FMNL2: variants seen among roughly 807,000 people sequenced by gnomAD.
FMNL2 encodes the protein formin like 2.
Under a neutral mutation model 130.2 loss-of-function variants are expected in FMNL2, and 51 were observed. That is an observed-to-expected ratio of 0.39 (90% CI 0.31 to 0.49). FMNL2 has a LOEUF of 0.49. FMNL2 is among the 20% of genes least tolerant of loss of function. The pLI is 0.85. For synonymous variants in FMNL2, 465 were observed against 467.1 expected (o/e 1.00, Z 0.06); for missense variants, 977 against 1,316.2 (o/e 0.74, Z 3.99).
At chr2:152,644,469 A>G (rs71417234) in intron 25 of FMNL2, among the ~76,000 whole-genome samples, 2,446 of 152,300 alleles carry the variant, frequency 0.016, 28 homozygotes, top group Middle Eastern at 0.044. Flanking sequence ...AACTCGTAAT[A>G]TGAGCTTAAC....
chr2:152,584,428 A>G (rs908226353), intron 9 of FMNL2, among the ~76,000 whole-genome samples: 1 of 152,184 alleles, frequency 6.6e-6, no homozygotes, highest in Non-Finnish European at 1.5e-5. Flanking sequence ...AAGAAGGATG[A>G]AAGGATTATC....
intron 1 of FMNL2, among the ~76,000 whole-genome samples, chr2:152,480,119 G>A (rs1397356606): frequency 6.6e-6 from 1 of 152,154 alleles, no homozygotes; most frequent in Non-Finnish European, 1.5e-5. Context: ...CTTCAGCCTG[G>A]ACACCAGAAT....
chr2:152,645,412 GT>G (rs1053134715), intron 25 of FMNL2: 1 of 1,255,584 alleles, frequency 8.0e-7, no homozygotes, highest in African/African-American at 1.5e-5. Context: ...ATCATTTTGT[GT>G]TTTTGTTTTT....
At chr2:152,343,301 AT>A (rs60823384) in intron 1 of FMNL2, among the ~76,000 whole-genome samples, 33,913 of 151,900 alleles carry the variant, frequency 0.22, 5,249 homozygotes, top group East Asian at 0.84. Flanking sequence ...AATAGTTCAT[AT>A]TTTTTTGTTT....
chr2:152,611,572 A>T lies in FMNL2; in HGVS notation c.1029A>T (p.Glu343Asp). The change falls in exon 11 of 26, where the codon GAA becomes GAT. Residue 343 changes from glutamate to aspartate, a missense_variant. Glu to Asp is a conservative substitution (Grantham distance 45, BLOSUM62 2). Coordinates refer to ENST00000288670, the MANE Select transcript of FMNL2 (RefSeq NM_052905.4). ...DMNFRVHLQY[E>D]FTKLGLDEYL... Reference sequence around the variant, plus strand: ...ATTTCAGAGTTCACCTGCAGTATGAATTTACCAAATTAGGCCTGGACGAAT... The same window carrying T: ...ATTTCAGAGTTCACCTGCAGTATGATTTTACCAAATTAGGCCTGGACGAAT... 1 of 1,603,470 alleles carries T rather than the reference A, an allele frequency of 6.2e-7. No individual in the cohort carries two copies. The highest frequency in any genetic ancestry group is 8.5e-7 in the Non-Finnish European group (1 of 1,173,790).
At chr2:152,501,007 G>A (rs1691798307) in intron 1 of FMNL2, among the ~76,000 whole-genome samples, 2 of 152,254 alleles carry the variant, frequency 1.3e-5, no homozygotes, top group South Asian at 4.1e-4. Context: ...ATACTGGCAA[G>A]GCAGGCCGGT....
At chr2:152,598,452 G>T (rs1380744149) in intron 9 of FMNL2, among the ~76,000 whole-genome samples, 1 of 152,158 alleles carries the variant, frequency 6.6e-6, no homozygotes, top group Non-Finnish European at 1.5e-5. Flanking sequence ...ACTTTGGGAG[G>T]CTGCGGTGGG....
intron 1 of FMNL2, among the ~76,000 whole-genome samples, chr2:152,430,201 A>C (rs13388095): frequency 6.6e-6 from 1 of 152,096 alleles, no homozygotes; most frequent in African/African-American, 2.4e-5. Flanking sequence ...TTCATTTTCT[A>C]TGTGGAAGTC....
At chr2:152,544,280 C>T (rs1271842333) in intron 3 of FMNL2, among the ~76,000 whole-genome samples, 1 of 152,070 alleles carries the variant, frequency 6.6e-6, no homozygotes, top group Non-Finnish European at 1.5e-5. Flanking sequence ...TGGTGGCAGG[C>T]ACCTGTAATC....
chr2:152,631,703 T>C, intron 20 of FMNL2, among the ~76,000 whole-genome samples: 1 of 152,176 alleles, frequency 6.6e-6, no homozygotes, highest in Non-Finnish European at 1.5e-5. Context: ...CCTGAAACCA[T>C]GGGAAGTAAA....
At chr2:152,637,235 G>A (rs1682693899) in intron 22 of FMNL2, among the ~76,000 whole-genome samples, 1 of 152,208 alleles carries the variant, frequency 6.6e-6, no homozygotes. Flanking sequence ...AAGGGGTTCT[G>A]CCACGGCCTT....
intron 15 of FMNL2, chr2:152,622,525 CT>C (rs1200820030): frequency 8.8e-6 from 4 of 456,590 alleles, no homozygotes; most frequent in South Asian, 3.1e-5. Flanking sequence ...GTTCTTTCTG[CT>C]TCCACAAAAG....
At chr2:152,375,877 C>CTCTCTCTATA (rs796954245) in intron 1 of FMNL2, among the ~76,000 whole-genome samples, 54 of 112,482 alleles carry the variant, frequency 4.8e-4, no homozygotes, top group African/African-American at 1.6e-3. Context: ...CTCTCTCTCT[C>CTCTCTCTATA]TATATATATA....
intron 22 of FMNL2, 71 bp downstream of exon 22, chr2:152,636,661 T>C: frequency 2.7e-6 from 4 of 1,476,620 alleles, no homozygotes; most frequent in Non-Finnish European, 3.6e-6. Context: ...GCAGGCCCTG[T>C]ATTTGGGGAG....
chr2:152,519,458 G>T (rs1475766802), intron 1 of FMNL2, among the ~76,000 whole-genome samples: 2 of 152,184 alleles, frequency 1.3e-5, no homozygotes, highest in African/African-American at 2.4e-5. Context: ...TCTCTTTGCA[G>T]AAAACGACAG....
chr2:152,615,055 A>G (rs1580103183), intron 12 of FMNL2, 55 bp downstream of exon 12: 1 of 1,577,500 alleles, frequency 6.3e-7, no homozygotes, highest in East Asian at 2.2e-5. Context: ...GTTGCAAAGC[A>G]GAATTAATGT....
intron 11 of FMNL2, among the ~76,000 whole-genome samples, 193 bp from the exon 12 acceptor site, chr2:152,614,658 G>A (rs1353289914): frequency 1.3e-5 from 2 of 152,120 alleles, no homozygotes; most frequent in Non-Finnish European, 2.9e-5. Flanking sequence ...CACGAGAATC[G>A]CTTGAACCCA....
At chr2:152,567,494 G>C (rs1203206462) in intron 6 of FMNL2, among the ~76,000 whole-genome samples, 1 of 152,042 alleles carries the variant, frequency 6.6e-6, no homozygotes, top group African/African-American at 2.4e-5. Flanking sequence ...TCTGGATTCA[G>C]CTGTTTCAGC....
intron 21 of FMNL2, among the ~76,000 whole-genome samples, chr2:152,635,413 C>G (rs972315470): frequency 3.9e-5 from 6 of 152,192 alleles, no homozygotes; most frequent in African/African-American, 1.4e-4. Context: ...CCGTTTTGAA[C>G]TCAAATAAGA....
Sources: allele counts gnomAD v4.1 joint callset (sites outside exome capture counted in the v4.1 genomes callset), GRCh38; gene constraint gnomAD v4.1.1; transcripts MANE v1.5; gene names NCBI Gene and HGNC (gene_info 2026-07-23, HGNC 2026-07-21).